Variants in TCFL5 observed in about 807,000 individuals in gnomAD.
TCFL5 encodes transcription factor-like 5 protein.
A neutral mutation model predicts 44.3 loss-of-function variants in TCFL5; 9 were observed. The observed-to-expected ratio is 0.20, with a 90% CI of 0.12 to 0.35. The LOEUF is 0.35. TCFL5 is among the 10% of genes least tolerant of loss of function. The pLI is 1.00. For synonymous variants in TCFL5, 319 were observed against 271.6 expected (o/e 1.17, Z -1.72); for missense variants, 603 against 613.4 (o/e 0.98, Z 0.18).
At chr20:62,857,744 A>C in intron 3 of TCFL5, 106 bp from the exon 4 acceptor site, 2 of 1,367,934 alleles carry the variant, frequency 1.5e-6, no homozygotes. Flanking sequence ...ATTATTGGGT[A>C]AGCAGCACAG....
rs529220540 is a variant in TCFL5, at chr20:62,852,565, C to T, written c.1380+1451G>A. 2.7e-4 allele frequency: 270 copies of T among 985,490 alleles called. 1 individual carries two copies. The African/African-American group carries it at 4.3e-3, about 16-fold the overall frequency. 61.0% of individuals were successfully genotyped at this position (985,490 alleles called of 1,614,324 possible). A position where few individuals can be genotyped will look rare whatever the true frequency, so the allele number is the denominator to read the frequency against. Reference sequence around the variant, plus strand: ...TGCCACGACCACACAGACAGGATCACGGCAGGCTGGCTGTCCTGAGGGACT... The same window carrying T: ...TGCCACGACCACACAGACAGGATCATGGCAGGCTGGCTGTCCTGAGGGACT... On this transcript the variant is annotated intron_variant, in intron 5 of 5. Transcript: ENST00000335351.
rs764351651 is a variant in TCFL5 at position 62,854,160 on chromosome 20, A to G, written c.1239-3T>C. Reference sequence around the variant, plus strand: ...CACAGCAAATGCGGATTCTGCGCCTATAGTCAAAACCCAAAGTCATCACCG... The same window carrying G: ...CACAGCAAATGCGGATTCTGCGCCTGTAGTCAAAACCCAAAGTCATCACCG... On this transcript the variant is annotated splice_polypyrimidine_tract_variant and splice_region_variant and intron_variant, in intron 4 of 5. Transcript: ENST00000335351. 6.8e-6 allele frequency: 11 copies of G among 1,613,762 alleles called. No homozygotes were observed. The highest frequency in any genetic ancestry group is 8.5e-6 in the Non-Finnish European group (10 of 1,179,994).
At chr20:62,846,225 G>C in intron 5 of TCFL5, 1 of 677,832 alleles carries the variant, frequency 1.5e-6, no homozygotes. Flanking sequence ...CTAGGCGCTC[G>C]CAAGATCTTC....
At chr20:62,844,555 TTTTCTG>T (rs1406182599) in intron 5 of TCFL5, among the ~76,000 whole-genome samples, 14 of 146,284 alleles carry the variant, frequency 9.6e-5, no homozygotes, top group Non-Finnish European at 1.9e-4. Context: ...TCAACATTTT[TTTTCTG>T]TTTTTTTTTG....
chr20:62,854,120 A>G lies in TCFL5; in HGVS notation c.1276T>C (p.Leu426=), dbSNP rs142133504. ...GTCTCGGCATTGCAGAACGGCACTAAGAGATTCAACTCATCACAGCAAATG... is the reference window on the plus strand; with the variant it reads ...GTCTCGGCATTGCAGAACGGCACTAGGAGATTCAACTCATCACAGCAAATG... ...IRICCDELNL[L]VPFCNAETDK... Residue 426 remains leucine (L), a synonymous_variant, in exon 5 of 6, where the codon TTA becomes CTA. Coordinates refer to ENST00000335351, the MANE Select transcript of TCFL5 (RefSeq NM_006602.4). 6.2e-7 allele frequency: 1 copy of G among 1,614,038 alleles called. No individual in the cohort carries two copies. The highest frequency in any genetic ancestry group is 8.5e-7 in the Non-Finnish European group (1 of 1,180,048).
At position 62,841,420 on chromosome 20, in the gene TCFL5, G is replaced by A. The variant is rs1457655723; in HGVS notation, c.*555C>T. 2 of 153,380 alleles carry A rather than the reference G, an allele frequency of 1.3e-5. No individual in the cohort carries two copies. Among genetic ancestry groups the A allele is most frequent in the African/African-American group, 4.8e-5 (2 of 41,450 alleles). The allele number at this position is 153,380 out of a possible 1,614,324, so 9.5% of individuals were successfully genotyped here. On this transcript the variant is annotated 3_prime_UTR_variant, in exon 6 of 6. Coordinates refer to ENST00000335351, the MANE Select transcript of TCFL5 (RefSeq NM_006602.4). Reference sequence around the variant, plus strand: ...GTGGACAAAAGTAGCTTTAAAGCAAGTATCTGGAAAATTTTTAGCACACAG... The same window carrying A: ...GTGGACAAAAGTAGCTTTAAAGCAAATATCTGGAAAATTTTTAGCACACAG...
At chr20:62,844,626 G>A (rs1325907479) in intron 5 of TCFL5, among the ~76,000 whole-genome samples, 1 of 146,754 alleles carries the variant, frequency 6.8e-6, no homozygotes, top group African/African-American at 2.6e-5. Context: ...CACCCAGGCT[G>A]GAGTGCAACA....
chr20:62,841,930 C>G lies in TCFL5; in HGVS notation c.*45G>C, dbSNP rs199668083. On this transcript the variant is annotated 3_prime_UTR_variant, in exon 6 of 6. Coordinates refer to ENST00000335351, the MANE Select transcript of TCFL5 (RefSeq NM_006602.4). ...GGTTGCAGAAGGCGTGCACAGGTCA[C>G]GAAGGAATGGCTGTTCACCCCCCGA... The G allele has an allele frequency of 5.6e-6, 9 of 1,610,810 alleles. No homozygotes were observed. The highest frequency in any genetic ancestry group is 6.8e-6 in the Non-Finnish European group (8 of 1,179,116).
At chr20:62,846,132 A>G (rs773173533) in intron 5 of TCFL5, 2 of 1,258,182 alleles carry the variant, frequency 1.6e-6, no homozygotes, top group African/African-American at 1.5e-5. Flanking sequence ...AATTGGAAGC[A>G]TTCTTAATTA....
intron 3 of TCFL5, among the ~76,000 whole-genome samples, chr20:62,858,549 T>C (rs948494494): frequency 6.6e-6 from 1 of 152,242 alleles, no homozygotes; most frequent in African/African-American, 2.4e-5. Context: ...CATCTTGTCT[T>C]CACCAACTCT....
chr20:62,849,873 T>C (rs1254187420), intron 5 of TCFL5, among the ~76,000 whole-genome samples: 1 of 152,098 alleles, frequency 6.6e-6, no homozygotes. Flanking sequence ...GAGGATTGCT[T>C]GAGCCCAGGA....
At position 62,846,183 on chromosome 20, in the gene TCFL5, G is replaced by A. The variant is rs552216760; in HGVS notation, c.1381-4086C>T. The A allele has an allele frequency of 5.4e-5, 58 of 1,083,902 alleles. No homozygotes were observed. The African/African-American group carries it at 9.3e-4, about 17-fold the overall frequency. The allele number at this position is 1,083,902 out of a possible 1,614,324, so 67.1% of individuals were successfully genotyped here. A position where few individuals can be genotyped will look rare whatever the true frequency, so the allele number is the denominator to read the frequency against. On this transcript the variant is annotated intron_variant, in intron 5 of 5. Transcript: ENST00000335351. ...AAGACGATAATTTAAAAAAAAAGAA[G>A]GAAGGAAGAAAATAATCATCCTCAG...
At chr20:62,854,373 G>T (rs891403528) in intron 4 of TCFL5, among the ~76,000 whole-genome samples, 3 of 152,216 alleles carry the variant, frequency 2.0e-5, no homozygotes, top group African/African-American at 7.2e-5. Flanking sequence ...GCATCCTCGG[G>T]TGCCCTTGGC....
chr20:62,855,864 T>C (rs1356870402), intron 4 of TCFL5, among the ~76,000 whole-genome samples: 5 of 152,184 alleles, frequency 3.3e-5, no homozygotes, highest in African/African-American at 1.2e-4. Flanking sequence ...CTGTTATTTA[T>C]TTCCTGAACT....
chr20:62,850,942 C>T (rs753230999), intron 5 of TCFL5, among the ~76,000 whole-genome samples: 16 of 152,102 alleles, frequency 1.1e-4, no homozygotes, highest in Non-Finnish European at 2.2e-4. Flanking sequence ...GGCCCTGCTC[C>T]CACTGTCTTC....
At position 62,841,890 on chromosome 20, in the gene TCFL5, C is replaced by T. The variant is rs548992713; in HGVS notation, c.*85G>A. 13 of 1,558,168 alleles carry T rather than the reference C, an allele frequency of 8.3e-6. No individual in the cohort carries two copies. The highest frequency in any genetic ancestry group is 4.1e-5 in the African/African-American group (3 of 72,848). ...CACGCCCTTTTCGAGTCAGACTAGC[C>T]GAGCAGAGCTCCAGGGTTGCAGAAG... On this transcript the variant is annotated 3_prime_UTR_variant, in exon 6 of 6. Transcript: ENST00000335351.
chr20:62,861,144 T>G lies in TCFL5; in HGVS notation c.527A>C (p.Glu176Ala), dbSNP rs893251983. Residue 176 changes from glutamate to alanine, a missense_variant, in exon 1 of 6, where the codon GAG becomes GCG. Physicochemically the swap from Glu to Ala is moderately radical, Grantham distance 107. This residue lies in a region of TCFL5 where 540 missense variants were observed against 478.7 expected (regional missense o/e 1.13). Transcript: ENST00000335351. This position sits in a 1 kb window ranked among gnomAD's most constrained non-coding sequence, Gnocchi z 4.0. ...AAAAGPDGAP[E>A]ARAKPAVRVR... The stretch of plus-strand genomic sequence containing the variant: ...GCGCACGGCCGGCTTGGCCCGGGCC[T>G]CGGGCGCGCCGTCGGGTCCAGCCGC... 1 of 1,003,218 alleles carries G rather than the reference T, an allele frequency of 1.0e-6. No individual in the cohort carries two copies. Among genetic ancestry groups the G allele is most frequent in the African/African-American group, 1.8e-5 (1 of 56,678 alleles). 62.1% of individuals were successfully genotyped at this position (1,003,218 alleles called of 1,614,324 possible).
chr20:62,860,309 C>T lies in TCFL5; in HGVS notation c.648-1G>A. 1 of 1,602,340 alleles carries T rather than the reference C, an allele frequency of 6.2e-7. No homozygotes were observed. Among genetic ancestry groups the T allele is most frequent in the Non-Finnish European group, 8.5e-7 (1 of 1,170,094 alleles). ...TGGATGTCGAATGAGAGTTACCAAA[C>T]TGCCAAGACAAAAGAAAGCCCAGAA... On this transcript the variant is annotated splice_acceptor_variant, in intron 1 of 5. Coordinates refer to ENST00000335351, the MANE Select transcript of TCFL5 (RefSeq NM_006602.4). LOFTEE classifies it high-confidence loss of function.
At chr20:62,859,284 T>C (rs527674453) in intron 3 of TCFL5, 80 bp downstream of exon 3, 18 of 1,450,960 alleles carry the variant, frequency 1.2e-5, no homozygotes, top group Non-Finnish European at 1.7e-5. Context: ...CTGTCTCCCC[T>C]GCCCCCCAAG....
Sources: allele counts gnomAD v4.1 joint callset (sites outside exome capture counted in the v4.1 genomes callset), GRCh38; gene constraint gnomAD v4.1.1; regional missense constraint gnomAD v4.1.1; non-coding constraint Gnocchi (gnomAD v3.1); transcripts MANE v1.5; gene names NCBI Gene and HGNC (gene_info 2026-07-23, HGNC 2026-07-21).